Variants in TTC27 observed in about 807,000 individuals in gnomAD.
TTC27 encodes the protein tetratricopeptide repeat protein 27.
Under a neutral mutation model 115.9 loss-of-function variants are expected in TTC27, and 79 were observed. The observed-to-expected ratio is 0.68, with a 90% CI of 0.57 to 0.82. The LOEUF is 0.82. Ranked by LOEUF, TTC27 falls within the 40% of genes least tolerant of loss-of-function variation. TTC27 has a pLI of 0.00. For missense variants in TTC27, 1,054 were observed against 993.1 expected (o/e 1.06, Z -0.82); for synonymous variants, 401 against 356.0 (o/e 1.13, Z -1.42).
chr2:32,742,040 G>T (rs556988567), intron 12 of TTC27, among the ~76,000 whole-genome samples: 1 of 152,200 alleles, frequency 6.6e-6, no homozygotes. Context: ...GGCCTTATAT[G>T]TACTGCATTC....
chr2:32,819,334 G>C (rs1031964613), intron 19 of TTC27, among the ~76,000 whole-genome samples: 1 of 152,058 alleles, frequency 6.6e-6, no homozygotes. Flanking sequence ...ATGCCAACTG[G>C]ATTATCCAAA....
chr2:32,635,638 C>T (rs528880130), intron 3 of TTC27, among the ~76,000 whole-genome samples: 1 of 151,978 alleles, frequency 6.6e-6, no homozygotes, highest in East Asian at 1.9e-4. Context: ...GAGCCAAGAT[C>T]ACGCCACTGC....
chr2:32,745,823 T>C (rs1668807047), intron 12 of TTC27, among the ~76,000 whole-genome samples: 1 of 152,204 alleles, frequency 6.6e-6, no homozygotes, highest in Non-Finnish European at 1.5e-5. Flanking sequence ...AAGCAGTGGC[T>C]CTTTCCTTTG....
intron 9 of TTC27, among the ~76,000 whole-genome samples, chr2:32,686,970 G>A (rs1572515613): frequency 6.6e-6 from 1 of 152,020 alleles, no homozygotes. Context: ...TCAGCCTCCC[G>A]AGTACCTGGG....
intron 16 of TTC27, among the ~76,000 whole-genome samples, chr2:32,787,665 T>A (rs1245490063): frequency 6.6e-6 from 1 of 152,182 alleles, no homozygotes; most frequent in Non-Finnish European, 1.5e-5. Flanking sequence ...GATTCAAAGC[T>A]GTTGTGTCAT....
chr2:32,752,557 T>C (rs879892233), intron 12 of TTC27, among the ~76,000 whole-genome samples: 3 of 152,218 alleles, frequency 2.0e-5, no homozygotes, highest in Admixed American at 1.3e-4. Context: ...ATCCTTTTTC[T>C]CTCTGGTCTA....
At chr2:32,639,074 C>T (rs988085745) in intron 3 of TTC27, among the ~76,000 whole-genome samples, 5 of 152,028 alleles carry the variant, frequency 3.3e-5, no homozygotes, top group South Asian at 2.1e-4. Context: ...CCTCGTGATC[C>T]GCCCGCCTTG....
At chr2:32,757,818 C>T (rs557962426) in intron 12 of TTC27, among the ~76,000 whole-genome samples, 170 of 152,270 alleles carry the variant, frequency 1.1e-3, no homozygotes, top group African/African-American at 3.6e-3. Flanking sequence ...CTCAGCCTCC[C>T]ACCCAAGAAG....
chr2:32,761,663 T>C (rs532309717), intron 13 of TTC27, among the ~76,000 whole-genome samples: 1 of 152,262 alleles, frequency 6.6e-6, no homozygotes, highest in South Asian at 2.1e-4. Flanking sequence ...AGATATTTCA[T>C]TCAAGTCTGC....
chr2:32,655,556 T>G (rs1269025263), intron 5 of TTC27, among the ~76,000 whole-genome samples: 1 of 152,192 alleles, frequency 6.6e-6, no homozygotes, highest in Non-Finnish European at 1.5e-5. Context: ...ATTCTTTGAA[T>G]TCTTTCCAGG....
chr2:32,804,388 G>C (rs532927565), intron 16 of TTC27, among the ~76,000 whole-genome samples: 1 of 152,120 alleles, frequency 6.6e-6, no homozygotes, highest in South Asian at 2.1e-4. Flanking sequence ...AAAGTCTTTA[G>C]GCACAAAGAT....
chr2:32,698,134 T>C (rs113890322), intron 9 of TTC27, among the ~76,000 whole-genome samples: 3 of 152,200 alleles, frequency 2.0e-5, no homozygotes, highest in African/African-American at 7.2e-5. Flanking sequence ...AATGGAATAT[T>C]ATGATTATTA....
chr2:32,670,460 T>A (rs1211225315), intron 7 of TTC27, among the ~76,000 whole-genome samples: 1 of 152,156 alleles, frequency 6.6e-6, no homozygotes, highest in Non-Finnish European at 1.5e-5. Context: ...CAGTGTATAA[T>A]CTTTTGGTCT....
chr2:32,732,057 T>G (rs1371318294), intron 10 of TTC27, among the ~76,000 whole-genome samples: 4 of 152,184 alleles, frequency 2.6e-5, no homozygotes, highest in African/African-American at 9.7e-5. Flanking sequence ...TTATTTTTTC[T>G]TTCCAAAAAA....
intron 5 of TTC27, among the ~76,000 whole-genome samples, chr2:32,651,044 T>G (rs1665103709): frequency 6.6e-6 from 1 of 152,066 alleles, no homozygotes; most frequent in Non-Finnish European, 1.5e-5. Context: ...GATTCTCTTG[T>G]GGTGAAGGAA....
chr2:32,782,606 T>C lies in TTC27; in HGVS notation c.1780-20T>C, dbSNP rs758305670. 1 of 1,608,814 alleles carries C rather than the reference T, an allele frequency of 6.2e-7. No individual in the cohort carries two copies. The highest frequency in any genetic ancestry group is 1.7e-5 in the Admixed American group (1 of 59,652). On this transcript the variant is annotated intron_variant, in intron 14 of 19. Transcript: ENST00000317907. ...ACCTAAATGAGAAGAGTTAATTAACTGTGTTCTCTATCATTTCAGAATGCT... is the reference window on the plus strand; with the variant it reads ...ACCTAAATGAGAAGAGTTAATTAACCGTGTTCTCTATCATTTCAGAATGCT...
chr2:32,760,332 T>G (rs1669392392), intron 13 of TTC27, among the ~76,000 whole-genome samples: 1 of 152,208 alleles, frequency 6.6e-6, no homozygotes, highest in Non-Finnish European at 1.5e-5. Context: ...GTTGACAGTT[T>G]GCTCTAAGTC....
At chr2:32,733,767 A>G in intron 10 of TTC27, 61 bp from the exon 11 acceptor site, 2 of 1,040,696 alleles carry the variant, frequency 1.9e-6, no homozygotes, top group Non-Finnish European at 2.8e-6. Flanking sequence ...TATTACAATA[A>G]GGACTTATTT....
At chr2:32,785,072 C>A (rs2148019839) in intron 15 of TTC27, among the ~76,000 whole-genome samples, 1 of 152,192 alleles carries the variant, frequency 6.6e-6, no homozygotes, top group Admixed American at 6.5e-5. Flanking sequence ...AAAAATGTTT[C>A]ATTTTGCATT....
Sources: allele counts gnomAD v4.1 joint callset (sites outside exome capture counted in the v4.1 genomes callset), GRCh38; gene constraint gnomAD v4.1.1; transcripts MANE v1.5; gene names NCBI Gene and HGNC (gene_info 2026-07-23, HGNC 2026-07-21).